Variants in CDV3 observed in about 807,000 individuals in gnomAD.
CDV3 encodes protein CDV3 homolog.
A neutral mutation model predicts 24.5 loss-of-function variants in CDV3; 14 were observed. That is an observed-to-expected ratio of 0.57 (90% CI 0.38 to 0.89). CDV3 has a LOEUF of 0.89. Among genes scored for constraint, CDV3 ranks in the 40% least tolerant of loss-of-function variants. CDV3 has a pLI of 0.00. For synonymous variants in CDV3, 114 were observed against 114.1 expected, an observed-to-expected ratio of 1.00 and a Z score of 0.00; for missense variants, 304 against 310.2, an observed-to-expected ratio of 0.98 and a Z score of 0.15.
Position 133,586,665 on chromosome 3 carries a change from A to T in CDV3, c.569A>T (p.Tyr190Phe), listed in dbSNP as rs1933637050. 6.3e-7 allele frequency: 1 copy of T among 1,598,326 alleles called. No homozygotes were observed. Among genetic ancestry groups the T allele is most frequent in the African/African-American group, 1.3e-5 (1 of 74,610 alleles). The change falls in exon 4 of 5, where the codon TAC (tyrosine) becomes TTC (phenylalanine). Residue 190 changes from tyrosine (Y) to phenylalanine (F), a missense_variant. By Grantham distance (22) the Tyr-to-Phe change is conservative (BLOSUM62 3). Around this residue, in one of 3 missense-constraint regions of CDV3, gnomAD observed 29 missense variants for 55.8 expected, o/e 0.52. Transcript: ENST00000264993. ...ACACCACAAGGACCACCAGAAATCT[A>T]CAGTGATACACAGTTCCCATCCCTG... is the stretch of plus-strand genomic sequence containing the variant. The part of the protein sequence containing the change: ...RKTPQGPPEI[Y>F]SDTQFPSLQS...
intron 1 of CDV3, 102 bp downstream of exon 1, chr3:133,574,386 G>C: frequency 2.1e-6 from 2 of 943,406 alleles, no homozygotes; most frequent in Non-Finnish European, 2.5e-6. Context: ...GGCCGCGGAG[G>C]CCGGGCGGAC....
chr3:133,574,761 T>C, intron 1 of CDV3: 1 of 1,111,046 alleles, frequency 9.0e-7, no homozygotes, highest in South Asian at 3.2e-5. Context: ...AGAAATGTAG[T>C]TGTGAAATTC....
chr3:133,574,483 C>G (rs949088176), intron 1 of CDV3, 199 bp downstream of exon 1: 29 of 986,278 alleles, frequency 2.9e-5, no homozygotes, highest in Non-Finnish European at 3.4e-5. Flanking sequence ...GCGGTGGAGC[C>G]GCCCTTCCCA....
chr3:133,588,556 T>C lies in CDV3; in HGVS notation c.*510T>C. 1.6e-6 allele frequency: 1 copy of C among 629,250 alleles called. No homozygotes were observed. The highest frequency in any genetic ancestry group is 2.8e-6 in the Non-Finnish European group (1 of 359,636). 39.0% of individuals were successfully genotyped at this position (629,250 alleles called of 1,614,324 possible). On this transcript the variant is annotated 3_prime_UTR_variant, in exon 5 of 5. Coordinates refer to ENST00000264993, the MANE Select transcript of CDV3 (RefSeq NM_017548.5). Reference sequence around the variant, plus strand: ...TGATCTGCTGTAAAAGATGAAGATTTAAGTGACCTTAATTAACCTGTCCTG... The same window carrying C: ...TGATCTGCTGTAAAAGATGAAGATTCAAGTGACCTTAATTAACCTGTCCTG...
At chr3:133,582,958 G>C (rs901689449) in intron 2 of CDV3, among the ~76,000 whole-genome samples, 1 of 152,096 alleles carries the variant, frequency 6.6e-6, no homozygotes, top group African/African-American at 2.4e-5. Context: ...GACATGTAAA[G>C]TTACACAAAA....
At chr3:133,583,930 G>A (rs964764000) in intron 2 of CDV3, 72 bp from the exon 3 acceptor site, 12 of 1,112,674 alleles carry the variant, frequency 1.1e-5, no homozygotes, top group African/African-American at 1.6e-5. Flanking sequence ...GATAATCATG[G>A]ATAAAACTAA....
intron 2 of CDV3, among the ~76,000 whole-genome samples, chr3:133,579,073 G>T (rs1198058661): frequency 2.0e-5 from 3 of 152,210 alleles, no homozygotes; most frequent in Non-Finnish European, 4.4e-5. Flanking sequence ...CTACTTTGTA[G>T]CCCTGGGGAA....
rs924828078 is a variant in CDV3, at chr3:133,590,154, G to A, written c.*2108G>A. ...ATCAAGTTTTAATATACTGTATGAT[G>A]GGTGGATGAGGCTGTCCATTGTACC... On this transcript the variant is annotated 3_prime_UTR_variant, in exon 5 of 5. Coordinates refer to ENST00000264993, the MANE Select transcript of CDV3 (RefSeq NM_017548.5). 2 of 152,204 alleles carry A rather than the reference G, an allele frequency of 1.3e-5. No homozygotes were observed. The highest frequency in any genetic ancestry group is 1.5e-5 in the Non-Finnish European group (1 of 68,048). The allele number at this position is 152,204 out of a possible 1,614,324, so 9.4% of individuals were successfully genotyped here.
chr3:133,582,018 A>G (rs1933079752), intron 2 of CDV3, among the ~76,000 whole-genome samples: 1 of 152,146 alleles, frequency 6.6e-6, no homozygotes, highest in Non-Finnish European at 1.5e-5. Context: ...CCTCTCAGAT[A>G]AAGTTGTAAG....
chr3:133,588,811 G>A lies in CDV3; in HGVS notation c.*765G>A, dbSNP rs1194908952. 1 of 158,022 alleles carries A rather than the reference G, an allele frequency of 6.3e-6. No individual in the cohort carries two copies. The highest frequency in any genetic ancestry group is 2.4e-5 in the African/African-American group (1 of 41,198). The allele number at this position is 158,022 out of a possible 1,614,324, so 9.8% of individuals were successfully genotyped here. A position where few individuals can be genotyped will look rare whatever the true frequency, so the allele number is the denominator to read the frequency against. ...TAATCTTGGGGGTTTTTTTTTTTTG[G>A]TAATTTTTTTATTTGGATAGTGCTT... On this transcript the variant is annotated 3_prime_UTR_variant, in exon 5 of 5. Coordinates refer to ENST00000264993, the MANE Select transcript of CDV3 (RefSeq NM_017548.5).
intron 3 of CDV3, among the ~76,000 whole-genome samples, chr3:133,585,392 GAC>G (rs1237810411): frequency 6.6e-6 from 1 of 152,148 alleles, no homozygotes; most frequent in Non-Finnish European, 1.5e-5. Context: ...TTTTGTTTGA[GAC>G]AGAGTCTGGC....
rs1201580995 is a variant in CDV3, at chr3:133,574,088, A to G, written c.44A>G (p.Lys15Arg). The change falls in exon 1 of 5, where the codon AAG (lysine) becomes AGG (arginine). Residue 15 changes from lysine (K) to arginine (R), a missense_variant. Around this residue, in one of 3 missense-constraint regions of CDV3, gnomAD observed 219 missense variants for 203.6 expected, o/e 1.08. Coordinates refer to ENST00000264993, the MANE Select transcript of CDV3 (RefSeq NM_017548.5). ...EERSLDNFFA[K>R]RDKKKKKERS... ...CGGAGCCTGGACAACTTCTTTGCCA[A>G]GAGGGACAAGAAGAAGAAGAAGGAG... 3 of 1,236,656 alleles carry G rather than the reference A, an allele frequency of 2.4e-6. No homozygotes were observed. The highest frequency in any genetic ancestry group is 5.1e-5 in the Admixed American group (2 of 39,372). The allele number at this position is 1,236,656 out of a possible 1,614,324, so 76.6% of individuals were successfully genotyped here.
intron 2 of CDV3, among the ~76,000 whole-genome samples, chr3:133,576,128 T>C (rs2107693718): frequency 6.6e-6 from 1 of 152,326 alleles, no homozygotes; most frequent in Middle Eastern, 3.4e-3. Context: ...TTATTGACAT[T>C]TGTTGAACAC....
rs368431828 is a variant in CDV3 at position 133,574,515 on chromosome 3, C to T, written c.240+231C>T. The T allele has an allele frequency of 4.0e-5, 39 of 986,230 alleles. 3 individuals are homozygous for T. Among genetic ancestry groups the T allele is most frequent in the African/African-American group, 1.7e-4 (10 of 57,350 alleles). The allele number at this position is 986,230 out of a possible 1,614,324, so 61.1% of individuals were successfully genotyped here. On this transcript the variant is annotated intron_variant, in intron 1 of 4. Coordinates refer to ENST00000264993, the MANE Select transcript of CDV3 (RefSeq NM_017548.5). ...CCCACCCCGCGTCGCTCGGCGTTAG[C>T]CAAGGCCCGGGCGGCGCCACCCTCC...
chr3:133,575,623 C>G (rs2074776246), intron 2 of CDV3, among the ~76,000 whole-genome samples: 1 of 152,196 alleles, frequency 6.6e-6, no homozygotes, highest in South Asian at 2.1e-4. Flanking sequence ...GAACAAGGTT[C>G]CCCTCCTAAC....
chr3:133,588,564 CTTAA>C lies in CDV3; in HGVS notation c.*523_*526del, dbSNP rs1933838038. 1.6e-6 allele frequency: 1 copy of C among 618,680 alleles called. No individual in the cohort carries two copies. Among genetic ancestry groups the C allele is most frequent in the East Asian group, 2.7e-5 (1 of 36,478 alleles). The allele number at this position is 618,680 out of a possible 1,614,324, so 38.3% of individuals were successfully genotyped here. On this transcript the variant is annotated 3_prime_UTR_variant, in exon 5 of 5. Transcript: ENST00000264993. Reference sequence around the variant, plus strand: ...TGTAAAAGATGAAGATTTAAGTGACCTTAATTAACCTGTCCTGTGCCCTACCCTT... The same window carrying C: ...TGTAAAAGATGAAGATTTAAGTGACCTTAACCTGTCCTGTGCCCTACCCTT...
chr3:133,584,696 T>G (rs1933404736), intron 3 of CDV3, among the ~76,000 whole-genome samples: 1 of 152,202 alleles, frequency 6.6e-6, no homozygotes, highest in Non-Finnish European at 1.5e-5. Flanking sequence ...ATTCCCTATT[T>G]AACTTTCCTG....
At chr3:133,584,440 T>G (rs1047475908) in intron 3 of CDV3, among the ~76,000 whole-genome samples, 1 of 152,216 alleles carries the variant, frequency 6.6e-6, no homozygotes, top group Non-Finnish European at 1.5e-5. Flanking sequence ...TCTTCTAATA[T>G]TCTCGTTAAA....
chr3:133,575,154 G>T, intron 2 of CDV3, 39 bp downstream of exon 2: 1 of 1,079,332 alleles, frequency 9.3e-7, no homozygotes, highest in East Asian at 2.4e-5. Flanking sequence ...TAACCTTTGG[G>T]ATAGATATTG....
Sources: gnomAD v4.1 joint callset for allele counts (sites outside exome capture counted in the v4.1 genomes callset) on GRCh38, gnomAD v4.1.1 for gene constraint, gnomAD v4.1.1 regional missense constraint, MANE v1.5 for transcripts, NCBI Gene and HGNC (gene_info 2026-07-23, HGNC 2026-07-21) for gene names.